Variants in MICALL2 observed in about 807,000 individuals in gnomAD.
The protein encoded by MICALL2 is MICAL like 2, also known as MICAL-like protein 2.
A neutral mutation model predicts 91.1 loss-of-function variants in MICALL2; 111 were observed. The observed-to-expected ratio is 1.22, with a 90% CI of 1.04 to 1.43. The LOEUF is 1.43. MICALL2 is among the 40% of genes most tolerant of loss of function. The pLI, the probability that MICALL2 is intolerant of heterozygous loss-of-function variation, is 0.00. For missense variants in MICALL2, 1,556 were observed against 1,236.0 expected (o/e 1.26, Z -3.88); for synonymous variants, 694 against 525.3 (o/e 1.32, Z -4.39).
intron 1 of MICALL2, among the ~76,000 whole-genome samples, chr7:1,457,999 G>A (rs924937306): frequency 1.3e-5 from 2 of 152,276 alleles, no homozygotes; most frequent in Non-Finnish European, 2.9e-5. Context: ...TCTTCTGCCT[G>A]CAAGGGCAAC....
In MICALL2 at chr7:1,452,950, G is replaced by A. The variant is rs1481202679; in HGVS notation, c.144-2662C>T. Among the ~76,000 whole-genome samples, 2 of 151,898 alleles carry A rather than the reference G, an allele frequency of 1.3e-5. No individual in the cohort carries two copies. The highest frequency in any genetic ancestry group is 4.8e-5 in the African/African-American group (2 of 41,320). ...ACCATGGCTCCACTCTCCCGGCACA[G>A]AACAGCTTTTCCCACACTCCGCCCG... is the stretch of plus-strand genomic sequence containing the variant. On this transcript the variant is annotated intron_variant, in intron 1 of 16. Coordinates refer to ENST00000297508, the MANE Select transcript of MICALL2 (RefSeq NM_182924.4). The surrounding 1 kb of genome is among the most constrained non-coding windows in gnomAD (Gnocchi z 6.2).
intron 6 of MICALL2, among the ~76,000 whole-genome samples, chr7:1,443,562 T>TTAA (rs1780415494): frequency 6.6e-6 from 1 of 152,154 alleles, no homozygotes; most frequent in African/African-American, 2.4e-5. Flanking sequence ...TATGATCATG[T>TTAA]TAAGATGCAC....
chr7:1,455,838 C>T (rs1780995045), intron 1 of MICALL2, among the ~76,000 whole-genome samples: 1 of 152,008 alleles, frequency 6.6e-6, no homozygotes, highest in African/African-American at 2.4e-5. Context: ...ACAGGACGTC[C>T]ACCCTTCTGC....
At chr7:1,453,526 G>A (rs1033363889) in intron 1 of MICALL2, among the ~76,000 whole-genome samples, 1 of 152,146 alleles carries the variant, frequency 6.6e-6, no homozygotes, top group Non-Finnish European at 1.5e-5. Flanking sequence ...CCGCCCGTTT[G>A]GGGGACCTTG....
In MICALL2 at chr7:1,445,174, G is replaced by T. The variant is rs566099975; in HGVS notation, c.896C>A (p.Ser299Tyr). 1.4e-5 allele frequency: 23 copies of T among 1,586,666 alleles called. No individual in the cohort carries two copies. In the East Asian group the frequency reaches 5.1e-4, roughly 35 times the overall value. ...PAAGNSPARA[S>Y]VPAAPNPAAT... Reference sequence around the variant, plus strand: ...TGCAGGGTTGGGTGCAGCTGGAACGGAAGCCCTGGCAGGCGAGTTGCCCGC... The same window carrying T: ...TGCAGGGTTGGGTGCAGCTGGAACGTAAGCCCTGGCAGGCGAGTTGCCCGC... The change falls in exon 6 of 17, where the codon TCC becomes TAC. Residue 299 changes from serine (S) to tyrosine (Y), a missense_variant. Transcript: ENST00000297508.
In MICALL2 at chr7:1,442,316, G is replaced by A. The variant is rs545902621; in HGVS notation, c.1587C>T (p.Ser529=). 7.3e-5 allele frequency: 117 copies of A among 1,613,210 alleles called. 1 individual carries two copies. The South Asian group carries it at 1.1e-3, about 15-fold the overall frequency. ...PLSTSSTSQA[S]ALPPAGRRNL... ...TCCTCCTGCCTGCCGGGGGCAACGC[G>A]GATGCCTGAGAGGTACTGCTCGTGC... is the stretch of plus-strand genomic sequence containing the variant. Residue 529 remains serine, a synonymous_variant, in exon 7 of 17, where the codon TCC becomes TCT. Transcript: ENST00000297508.
chr7:1,445,082 T>A lies in MICALL2; in HGVS notation c.988A>T (p.Thr330Ser). The A allele has an allele frequency of 1.3e-6, 2 of 1,550,384 alleles. No individual in the cohort carries two copies. Among genetic ancestry groups the A allele is most frequent in the South Asian group, 2.4e-5 (2 of 84,288 alleles). ...ARPSESRLAP[T>S]PTEGKVRPRV... ...GGGCGGACTTTCCCCTCCGTGGGAG[T>A]GGGGGCCAGGCGGCTCTCAGAGGGC... The change falls in exon 6 of 17, where the codon ACT becomes TCT. Residue 330 changes from threonine to serine, a missense_variant. Physicochemically the swap from Thr to Ser is moderately conservative, Grantham distance 58 (BLOSUM62 1). Coordinates refer to ENST00000297508, the MANE Select transcript of MICALL2 (RefSeq NM_182924.4).
rs1780609500 is a variant in MICALL2, at chr7:1,446,709, C to T, written c.641+4G>A. The T allele has an allele frequency of 1.1e-5, 17 of 1,585,868 alleles. No homozygotes were observed. The highest frequency in any genetic ancestry group is 1.3e-5 in the African/African-American group (1 of 74,302). ...TCAGGCGTGCGGGCAGAGGGCAGCC[C>T]CACCTGAAGCAGCTCCGGTGGTAAA... On this transcript the variant is annotated splice_donor_region_variant and intron_variant, in intron 5 of 16. Transcript: ENST00000297508.
rs1021349527 is a variant in MICALL2, at chr7:1,452,754, C to G, written c.144-2466G>C. 6.6e-6 allele frequency among the ~76,000 whole-genome samples: 1 copy of G among 152,160 alleles called. No homozygotes were observed. Among genetic ancestry groups the G allele is most frequent in the Non-Finnish European group, 1.5e-5 (1 of 68,020 alleles). On this transcript the variant is annotated intron_variant, in intron 1 of 16. Transcript: ENST00000297508. The surrounding 1 kb of genome is among the most constrained non-coding windows in gnomAD (Gnocchi z 6.2). Reference sequence around the variant, plus strand: ...GGACACACCAGAGCCAGTGCCCACACGGCACAGGTCTGGGCTGCGAGTTCA... The same window carrying G: ...GGACACACCAGAGCCAGTGCCCACAGGGCACAGGTCTGGGCTGCGAGTTCA...
chr7:1,456,146 C>A (rs1416032902), intron 1 of MICALL2, among the ~76,000 whole-genome samples: 1 of 151,860 alleles, frequency 6.6e-6, no homozygotes, highest in African/African-American at 2.4e-5. Flanking sequence ...AGGGGCCAGG[C>A]GCGGCGGCTC....
At chr7:1,436,908 C>A (rs771878282) in intron 14 of MICALL2, 52 bp from the exon 15 acceptor site, 20 of 1,345,992 alleles carry the variant, frequency 1.5e-5, no homozygotes, top group Middle Eastern at 1.8e-4. Flanking sequence ...CCATGCCCCT[C>A]ACAGGACACA....
chr7:1,435,047 T>C, intron 16 of MICALL2, 54 bp downstream of exon 16: 2 of 1,304,426 alleles, frequency 1.5e-6, no homozygotes, highest in Non-Finnish European at 2.0e-6. Flanking sequence ...GCACTCAGCA[T>C]CCCCGGCCCA....
rs1780808283 is a variant in MICALL2 at position 1,451,042 on chromosome 7, G to A, written c.144-754C>T. 6.6e-6 allele frequency among the ~76,000 whole-genome samples: 1 copy of A among 152,154 alleles called. No homozygotes were observed. Among genetic ancestry groups the A allele is most frequent in the Non-Finnish European group, 1.5e-5 (1 of 68,016 alleles). The stretch of plus-strand genomic sequence containing the variant: ...ACTGAGGTTACATGGTTCTCTCTTT[G>A]GGTGGTGGAGTGCCTTCCCAGGTGC... On this transcript the variant is annotated intron_variant, in intron 1 of 16. Transcript: ENST00000297508. This position sits in a 1 kb window ranked among gnomAD's most constrained non-coding sequence, Gnocchi z 4.5.
At chr7:1,437,846 C>T (rs1300883414) in intron 13 of MICALL2, 44 bp downstream of exon 13, 4 of 1,519,816 alleles carry the variant, frequency 2.6e-6, no homozygotes, top group Non-Finnish European at 2.7e-6. Context: ...CAGCCCGCAA[C>T]GAGGTCCTGG....
intron 5 of MICALL2, 128 bp downstream of exon 5, chr7:1,446,585 G>A (rs1780600350): frequency 1.6e-6 from 1 of 608,696 alleles, no homozygotes; most frequent in Non-Finnish European, 3.0e-6. Flanking sequence ...GGGGGAGGAG[G>A]GGAGAGGGGA....
intron 9 of MICALL2, 77 bp from the exon 10 acceptor site, chr7:1,439,072 AAC>A: frequency 3.4e-6 from 4 of 1,185,970 alleles, no homozygotes; most frequent in Non-Finnish European, 4.7e-6. Context: ...CAGCACAGCC[AAC>A]AGCTCGCTGG....
At chr7:1,436,258 G>A (rs1562444126) in intron 15 of MICALL2, among the ~76,000 whole-genome samples, 1 of 151,838 alleles carries the variant, frequency 6.6e-6, no homozygotes, top group African/African-American at 2.4e-5. Flanking sequence ...GGGCATGGTG[G>A]TGCGAGCTTG....
At chr7:1,453,401 GGA>G (rs1207065672) in intron 1 of MICALL2, among the ~76,000 whole-genome samples, 2 of 152,152 alleles carry the variant, frequency 1.3e-5, no homozygotes, top group African/African-American at 2.4e-5. Flanking sequence ...CCAGAGCCAA[GGA>G]GAGAGGCCGG....
At chr7:1,444,024 C>T (rs893731402) in intron 6 of MICALL2, among the ~76,000 whole-genome samples, 1 of 151,398 alleles carries the variant, frequency 6.6e-6, no homozygotes, top group Non-Finnish European at 1.5e-5. Flanking sequence ...CGCTCGCGAC[C>T]TGTCCCCGCG....
Sources: gnomAD v4.1 joint callset for allele counts (sites outside exome capture counted in the v4.1 genomes callset) on GRCh38, gnomAD v4.1.1 for gene constraint, Gnocchi (gnomAD v3.1) non-coding constraint, MANE v1.5 for transcripts, NCBI Gene and HGNC (gene_info 2026-07-23, HGNC 2026-07-21) for gene names.